Variants in PAX3 observed in about 807,000 individuals in gnomAD.
The protein encoded by PAX3 is paired box 3.
A neutral mutation model predicts 51.6 loss-of-function variants in PAX3; 14 were observed. The ratio of observed to expected loss-of-function variants is 0.27; its 90% CI spans 0.18 to 0.42. PAX3 has a LOEUF of 0.42. Among genes scored for constraint, PAX3 ranks in the 10% least tolerant of loss-of-function variants. The probability of loss-of-function intolerance (pLI) is 1.00; values close to 1 mark genes in which losing one functional copy is unlikely to be tolerated. For synonymous variants in PAX3, 280 were observed against 253.4 expected (o/e 1.11, Z -1.00); for missense variants, 540 against 642.8 (o/e 0.84, Z 1.73).
intron 4 of PAX3, among the ~76,000 whole-genome samples, chr2:222,252,853 T>G (rs1277332697): frequency 6.6e-6 from 1 of 152,152 alleles, no homozygotes; most frequent in Non-Finnish European, 1.5e-5. Context: ...GAAACTCTTT[T>G]TAACAGGACA....
At chr2:222,234,871 T>C (rs894734738) in intron 4 of PAX3, among the ~76,000 whole-genome samples, 1 of 152,194 alleles carries the variant, frequency 6.6e-6, no homozygotes, top group South Asian at 2.1e-4. Context: ...CAAATTTCCA[T>C]AAAATATTTT....
intron 4 of PAX3, among the ~76,000 whole-genome samples, chr2:222,282,034 T>C (rs943078380): frequency 1.3e-5 from 2 of 152,186 alleles, no homozygotes; most frequent in African/African-American, 4.8e-5. Flanking sequence ...AAAGAAGACG[T>C]GTTTTTGGTT....
In PAX3 at chr2:222,246,948, A is replaced by T. The variant is rs45463792; in HGVS notation, c.587-14665T>A. On this transcript the variant is annotated intron_variant, in intron 4 of 8. Coordinates refer to ENST00000392070, the MANE Select transcript of PAX3 (RefSeq NM_181458.4). ...GGATGGCCAGATATGAAAATTTGCC[A>T]ATTTCTCTATATGAGGGCTGAGACA... Among the ~76,000 whole-genome samples the T allele has an allele frequency of 3.9e-5, 6 of 152,310 alleles. No homozygotes were observed. In the East Asian group the frequency reaches 1.2e-3, roughly 29 times the overall value.
At chr2:222,244,537 TAA>T (rs1437677556) in intron 4 of PAX3, among the ~76,000 whole-genome samples, 1 of 152,140 alleles carries the variant, frequency 6.6e-6, no homozygotes, top group African/African-American at 2.4e-5. Flanking sequence ...CCCTTCTTGT[TAA>T]CCAGTCCTAC....
At chr2:222,295,055 T>C (rs1372801683) in intron 3 of PAX3, among the ~76,000 whole-genome samples, 1 of 150,888 alleles carries the variant, frequency 6.6e-6, no homozygotes, top group East Asian at 2.0e-4. Context: ...TCCCTCCGCC[T>C]CCCCCAGGCT....
chr2:222,214,280 T>C (rs1691865101), intron 7 of PAX3: 1 of 152,162 alleles, frequency 6.6e-6, no homozygotes. Context: ...TGCTGAGCAA[T>C]TGAAATCTAA....
intron 7 of PAX3, among the ~76,000 whole-genome samples, chr2:222,207,905 A>T (rs971274698): frequency 6.6e-6 from 1 of 151,828 alleles, no homozygotes; most frequent in Non-Finnish European, 1.5e-5. Context: ...AACCATTGTG[A>T]ATTATGATTT....
At chr2:222,204,482 T>G (rs1433085200) in intron 7 of PAX3, among the ~76,000 whole-genome samples, 2 of 152,202 alleles carry the variant, frequency 1.3e-5, no homozygotes, top group South Asian at 2.1e-4. Flanking sequence ...CAGCCCAAAT[T>G]AGACATTTCT....
chr2:222,202,688 G>A (rs985486052), intron 7 of PAX3, among the ~76,000 whole-genome samples: 2 of 149,290 alleles, frequency 1.3e-5, no homozygotes. Flanking sequence ...TGAGATCTCT[G>A]TGCCTTTTTT....
Position 222,201,013 on chromosome 2 carries a change from A to G in PAX3, c.*395T>C. On this transcript the variant is annotated 3_prime_UTR_variant, in exon 9 of 9. Transcript: ENST00000392070. ...ATTTTAGAACAGTCTGCTTGCCCAA[A>G]CCAGTCTGGGTAAATCTCAATACAC... is the stretch of plus-strand genomic sequence containing the variant. The G allele has an allele frequency of 2.7e-6, 2 of 744,266 alleles. No homozygotes were observed. Among genetic ancestry groups the G allele is most frequent in the Non-Finnish European group, 4.5e-6 (2 of 443,488 alleles). The allele number at this position is 744,266 out of a possible 1,614,324, so 46.1% of individuals were successfully genotyped here.
At chr2:222,294,350 A>C in intron 3 of PAX3, 49 bp from the exon 4 acceptor site, 1 of 1,609,156 alleles carries the variant, frequency 6.2e-7, no homozygotes. Flanking sequence ...TGGTTGAGAC[A>C]AGCAGGGCTG....
At chr2:222,216,518 A>G (rs1691964519) in intron 7 of PAX3, among the ~76,000 whole-genome samples, 1 of 152,166 alleles carries the variant, frequency 6.6e-6, no homozygotes, top group South Asian at 2.1e-4. Context: ...GACCATCTGG[A>G]CAGGTGTGAC....
intron 7 of PAX3, among the ~76,000 whole-genome samples, chr2:222,216,396 A>G (rs1691960158): frequency 6.6e-6 from 1 of 152,196 alleles, no homozygotes; most frequent in Non-Finnish European, 1.5e-5. Flanking sequence ...TAAAAAATGC[A>G]CAGACCCTTT....
At chr2:222,226,435 C>A (rs1170862573) in intron 5 of PAX3, among the ~76,000 whole-genome samples, 1 of 152,132 alleles carries the variant, frequency 6.6e-6, no homozygotes, top group Non-Finnish European at 1.5e-5. Context: ...GAAGGCCATG[C>A]TCCCATGCAT....
chr2:222,220,899 A>G (rs1692167725), intron 6 of PAX3, among the ~76,000 whole-genome samples: 1 of 152,248 alleles, frequency 6.6e-6, no homozygotes, highest in Non-Finnish European at 1.5e-5. Context: ...GCATCATTGA[A>G]TTCCAGTTAG....
intron 4 of PAX3, among the ~76,000 whole-genome samples, chr2:222,291,030 G>T (rs1695014601): frequency 6.6e-6 from 1 of 152,120 alleles, no homozygotes; most frequent in Admixed American, 6.5e-5. Flanking sequence ...GGCGAGCTAA[G>T]CTTCGAGCCG....
In PAX3 at chr2:222,292,185, C is replaced by T. The variant is rs1278354712; in HGVS notation, c.586+1982G>A. Among the ~76,000 whole-genome samples, 3 of 152,196 alleles carry T rather than the reference C, an allele frequency of 2.0e-5. No individual in the cohort carries two copies. In the East Asian group the frequency reaches 5.8e-4, roughly 29 times the overall value. ...CTGAAGAGTCCATAAAACTTCCCGG[C>T]GCAGCAGCTATTGGGGCTCATTGAA... On this transcript the variant is annotated intron_variant, in intron 4 of 8. Transcript: ENST00000392070.
chr2:222,275,477 CGTT>C (rs146269618), intron 4 of PAX3, among the ~76,000 whole-genome samples: 2,742 of 151,144 alleles, frequency 0.018, 37 homozygotes, highest in Non-Finnish European at 0.028. Context: ...GTGCATTTTA[CGTT>C]GTTAATTTTA....
At chr2:222,204,671 A>G (rs1691435987) in intron 7 of PAX3, among the ~76,000 whole-genome samples, 1 of 152,186 alleles carries the variant, frequency 6.6e-6, no homozygotes, top group Non-Finnish European at 1.5e-5. Flanking sequence ...ATATTTTACC[A>G]TGAATAAGTT....
Sources: gnomAD v4.1 joint callset for allele counts (sites outside exome capture counted in the v4.1 genomes callset) on GRCh38, gnomAD v4.1.1 for gene constraint, MANE v1.5 for transcripts, NCBI Gene and HGNC (gene_info 2026-07-23, HGNC 2026-07-21) for gene names.